MIB1: variants seen among roughly 807,000 people sequenced by gnomAD.
The protein encoded by MIB1 is MIB E3 ubiquitin protein ligase 1.
In MIB1, 278 loss-of-function variants were observed where a neutral mutation model predicts 124.5. That is an observed-to-expected ratio of 2.23 (90% CI 2.02 to 2.47). The LOEUF (loss-of-function observed/expected upper bound fraction) is 2.47, where lower values mean the gene tolerates loss of function less well. Ranked by LOEUF, MIB1 falls within the 30% of genes most tolerant of loss-of-function variation. The probability of loss-of-function intolerance (pLI) is 0.00; values close to 1 mark genes in which losing one functional copy is unlikely to be tolerated. For synonymous variants in MIB1, 446 were observed against 429.4 expected (o/e 1.04, Z -0.48); for missense variants, 957 against 1,254.4 (o/e 0.76, Z 3.58).
chr18:21,819,381 T>C (rs1462149994), intron 11 of MIB1, 114 bp from the exon 12 acceptor site: 1 of 623,224 alleles, frequency 1.6e-6, no homozygotes, highest in African/African-American at 1.9e-5. Flanking sequence ...TGCTCTTTTA[T>C]TGGTATTTGT....
chr18:21,832,334 T>A (rs2041991630), intron 12 of MIB1, among the ~76,000 whole-genome samples: 1 of 152,192 alleles, frequency 6.6e-6, no homozygotes, highest in African/African-American at 2.4e-5. Flanking sequence ...TTAGGCATGA[T>A]CATTGCACAC....
intron 11 of MIB1, among the ~76,000 whole-genome samples, chr18:21,818,440 T>G (rs2041850010): frequency 6.6e-6 from 1 of 152,210 alleles, no homozygotes; most frequent in Non-Finnish European, 1.5e-5. Context: ...GGGGCAGCTT[T>G]ATCACTTCAC....
chr18:21,798,175 C>A lies in MIB1; in HGVS notation c.1184C>A (p.Ala395Glu). The A allele has an allele frequency of 6.2e-7, 1 of 1,613,320 alleles. No individual in the cohort carries two copies. The highest frequency in any genetic ancestry group is 1.1e-5 in the South Asian group (1 of 91,046). The stretch of plus-strand genomic sequence containing the variant: ...GGAACATCTTGGACATACAATCCAG[C>A]AGCAGTTTCCAAGGTGGCATCTGCA... ...VCGTSWTYNP[A>E]AVSKVASAGS... Residue 395 changes from alanine to glutamate, a missense_variant, in exon 8 of 21, where the codon GCA becomes GAA. Ala to Glu is a moderately radical substitution (Grantham distance 107). Coordinates refer to ENST00000261537, the MANE Select transcript of MIB1 (RefSeq NM_020774.4).
chr18:21,743,027 C>T (rs1472285644), intron 1 of MIB1, among the ~76,000 whole-genome samples: 1 of 152,220 alleles, frequency 6.6e-6, no homozygotes, highest in Non-Finnish European at 1.5e-5. Context: ...AGCAACCCTC[C>T]TGTCTCAGCC....
At chr18:21,764,389 G>A (rs541359248) in intron 1 of MIB1, among the ~76,000 whole-genome samples, 59 of 152,160 alleles carry the variant, frequency 3.9e-4, no homozygotes, top group African/African-American at 1.4e-3. Flanking sequence ...GAATAACATA[G>A]GGTTTGTTTT....
chr18:21,834,102 G>C (rs142643446), intron 12 of MIB1, among the ~76,000 whole-genome samples: 1 of 152,212 alleles, frequency 6.6e-6, no homozygotes, highest in East Asian at 1.9e-4. Flanking sequence ...AGTGCTGCAG[G>C]GAACAGCCTG....
chr18:21,830,904 A>G (rs1302342526), intron 12 of MIB1: 1 of 152,016 alleles, frequency 6.6e-6, no homozygotes, highest in Non-Finnish European at 1.5e-5. Context: ...AAAACCACCA[A>G]CAAAAACAAC....
At chr18:21,724,712 CAAAAA>C (rs1193584277) in intron 1 of MIB1, among the ~76,000 whole-genome samples, 33 of 20,742 alleles carry the variant, frequency 1.6e-3, no homozygotes, top group African/African-American at 8.0e-3. Context: ...CTCCCCCATC[CAAAAA>C]AAAAAAAAAA....
At chr18:21,778,920 AT>A in intron 5 of MIB1, among the ~76,000 whole-genome samples, 1 of 152,258 alleles carries the variant, frequency 6.6e-6, no homozygotes, top group Non-Finnish European at 1.5e-5. Flanking sequence ...CAAAATCAAC[AT>A]GCATATTTTG....
chr18:21,757,350 G>A, intron 1 of MIB1, among the ~76,000 whole-genome samples: 1 of 143,408 alleles, frequency 7.0e-6, no homozygotes, highest in East Asian at 2.2e-4. Context: ...TACTTGGGAG[G>A]CTGAGACAGG....
chr18:21,865,348 TAGAC>T lies in MIB1; in HGVS notation c.*684_*687del, dbSNP rs1477513096. The stretch of plus-strand genomic sequence containing the variant: ...AGATTACCAGTTTCAAGGTGACTGA[TAGAC>T]AAGAAAAGGAAAAATAAGCAATAAT... On this transcript the variant is annotated 3_prime_UTR_variant, in exon 21 of 21. Transcript: ENST00000261537. 6.6e-6 allele frequency: 1 copy of T among 151,492 alleles called. No homozygotes were observed. Among genetic ancestry groups the T allele is most frequent in the Non-Finnish European group, 1.5e-5 (1 of 67,916 alleles). The allele number at this position is 151,492 out of a possible 1,614,324, so 9.4% of individuals were successfully genotyped here.
chr18:21,781,924 A>G (rs1250518936), intron 6 of MIB1, among the ~76,000 whole-genome samples: 3 of 151,830 alleles, frequency 2.0e-5, no homozygotes, highest in Non-Finnish European at 2.9e-5. Context: ...CTACCTAAAG[A>G]TTTGTTGATT....
Position 21,779,685 on chromosome 18 carries a change from G to A in MIB1, c.908G>A (p.Arg303Lys), listed in dbSNP as rs779848628. Residue 303 changes from arginine to lysine, a missense_variant and splice_region_variant, in exon 6 of 21, where the codon AGG (arginine) becomes AAG (lysine). Arg to Lys is a conservative substitution (Grantham distance 26). Coordinates refer to ENST00000261537, the MANE Select transcript of MIB1 (RefSeq NM_020774.4). Reference sequence around the variant, plus strand: ...GTAGTACAGTATCCAAGTGGCAATAGGTGGGTGATATCTCTCAATTTTTGA... The same window carrying A: ...GTAGTACAGTATCCAAGTGGCAATAAGTGGGTGATATCTCTCAATTTTTGA... ...DIVVQYPSGN[R>K]WTFNPAVLTK... 2 of 1,610,464 alleles carry A rather than the reference G, an allele frequency of 1.2e-6. No individual in the cohort carries two copies. Among genetic ancestry groups the A allele is most frequent in the Non-Finnish European group, 1.7e-6 (2 of 1,176,782 alleles).
intron 11 of MIB1, among the ~76,000 whole-genome samples, chr18:21,816,320 C>G (rs1432655315): frequency 6.6e-6 from 1 of 152,050 alleles, no homozygotes; most frequent in Non-Finnish European, 1.5e-5. Context: ...AAATGATTAT[C>G]CCCAGCTACA....
At chr18:21,791,647 T>G (rs750712020) in intron 7 of MIB1, 90 bp downstream of exon 7, 3 of 1,078,126 alleles carry the variant, frequency 2.8e-6, no homozygotes, top group Non-Finnish European at 4.0e-6. Context: ...TAAATTGGCA[T>G]AAAACTTCTT....
chr18:21,857,100 G>T (rs777953160), intron 18 of MIB1, 30 bp from the exon 19 acceptor site: 2 of 1,447,856 alleles, frequency 1.4e-6, no homozygotes, highest in Middle Eastern at 1.7e-4. Flanking sequence ...GTTCTCTCTT[G>T]TAAGAAGTGT....
At chr18:21,852,425 A>G (rs1235068245) in intron 17 of MIB1, among the ~76,000 whole-genome samples, 1 of 152,172 alleles carries the variant, frequency 6.6e-6, no homozygotes, top group East Asian at 1.9e-4. Flanking sequence ...AAGGGAGAAT[A>G]GGTGAAAGAC....
In MIB1 at chr18:21,867,572, A is replaced by G. The variant is rs1177944797; in HGVS notation, c.*2906A>G. On this transcript the variant is annotated 3_prime_UTR_variant, in exon 21 of 21. Transcript: ENST00000261537. ...AAATGTTTAGTTGGTCAAATTATGC[A>G]TAAGATATTTGTAACTTTAAACATT... 1 of 152,640 alleles carries G rather than the reference A, an allele frequency of 6.6e-6. No homozygotes were observed. The highest frequency in any genetic ancestry group is 2.4e-5 in the African/African-American group (1 of 41,468). 9.5% of individuals were successfully genotyped at this position (152,640 alleles called of 1,614,324 possible). A position where few individuals can be genotyped will look rare whatever the true frequency, so the allele number is the denominator to read the frequency against.
chr18:21,756,520 G>T (rs1057044602), intron 1 of MIB1, among the ~76,000 whole-genome samples: 2 of 151,856 alleles, frequency 1.3e-5, no homozygotes, highest in African/African-American at 4.8e-5. Context: ...GCTGGAGTGC[G>T]GTGGTGCAAT....
Sources: allele counts gnomAD v4.1 joint callset (sites outside exome capture counted in the v4.1 genomes callset), GRCh38; gene constraint gnomAD v4.1.1; transcripts MANE v1.5; gene names NCBI Gene and HGNC (gene_info 2026-07-23, HGNC 2026-07-21).